Variants in VPS54 observed in about 807,000 individuals in gnomAD.
VPS54 encodes the protein VPS54 subunit of GARP complex.
In VPS54, 45 loss-of-function variants were observed where a neutral mutation model predicts 121.5. That is an observed-to-expected ratio of 0.37 (90% confidence interval 0.29 to 0.47). The LOEUF (loss-of-function observed/expected upper bound fraction) is 0.47, where lower values mean the gene tolerates loss of function less well. Ranked by LOEUF, VPS54 falls within the 20% of genes least tolerant of loss-of-function variation. The probability of loss-of-function intolerance (pLI) is 0.99; values close to 1 mark genes in which losing one functional copy is unlikely to be tolerated. For synonymous variants in VPS54, 371 were observed against 385.8 expected, an observed-to-expected ratio of 0.96 and a Z score of 0.45; for missense variants, 1,090 against 1,131.4, an observed-to-expected ratio of 0.96 and a Z score of 0.52.
chr2:63,983,898 T>C lies in VPS54; in HGVS notation c.102A>G (p.Pro34=), dbSNP rs377608898. 5 of 1,612,754 alleles carry C rather than the reference T, an allele frequency of 3.1e-6. No individual in the cohort carries two copies. The highest frequency in any genetic ancestry group is 1.3e-5 in the African/African-American group (1 of 74,808). ...VDPSKHIRPV[P]SLPDVCPKEP... ...CCTTGGGACACACATCTGGCAGTGA[T>C]GGCACAGGTCGAATGTGTTTTGACG... Residue 34 remains proline, a synonymous_variant, in exon 2 of 23, where the codon CCA becomes CCG. Coordinates refer to ENST00000272322, the MANE Select transcript of VPS54 (RefSeq NM_016516.3).
chr2:63,988,978 C>T (rs1300259174), intron 1 of VPS54, among the ~76,000 whole-genome samples: 1 of 152,070 alleles, frequency 6.6e-6, no homozygotes, highest in African/African-American at 2.4e-5. Context: ...ATTAACAGCC[C>T]TGGGAAAAGA....
chr2:63,904,785 T>G (rs528918063), intron 20 of VPS54, among the ~76,000 whole-genome samples: 7 of 152,200 alleles, frequency 4.6e-5, no homozygotes, highest in African/African-American at 1.7e-4. Flanking sequence ...AGCCAAGATA[T>G]TCTTTGGCCA....
At chr2:63,924,302 G>A (rs1380324742) in intron 12 of VPS54, among the ~76,000 whole-genome samples, 3 of 152,198 alleles carry the variant, frequency 2.0e-5, no homozygotes, top group Non-Finnish European at 4.4e-5. Flanking sequence ...GCTAGACATA[G>A]TCATGTAATT....
At chr2:63,897,291 G>A (rs1672484270) in intron 22 of VPS54, among the ~76,000 whole-genome samples, 1 of 147,764 alleles carries the variant, frequency 6.8e-6, no homozygotes, top group Admixed American at 6.8e-5. Flanking sequence ...CGTCAGGTAA[G>A]CAATTGTCCA....
intron 1 of VPS54, among the ~76,000 whole-genome samples, chr2:63,988,326 T>C (rs1376792433): frequency 2.0e-5 from 3 of 152,250 alleles, no homozygotes; most frequent in Admixed American, 2.0e-4. Flanking sequence ...CATGTTGAAC[T>C]ATCTACATTC....
intron 20 of VPS54, among the ~76,000 whole-genome samples, chr2:63,907,689 T>C (rs565162289): frequency 3.3e-5 from 5 of 152,244 alleles, no homozygotes; most frequent in African/African-American, 9.6e-5. Flanking sequence ...AGAAACCACA[T>C]ACTGATACAG....
rs898993099 is a variant in VPS54 at position 63,914,228 on chromosome 2, G to C, written c.2288C>G (p.Pro763Arg). The C allele has an allele frequency of 6.2e-7, 1 of 1,613,532 alleles. No homozygotes were observed. The highest frequency in any genetic ancestry group is 1.7e-5 in the Admixed American group (1 of 59,946). The part of the protein sequence containing the change: ...LEYCQCVDNI[P>R]SVTTDMLTRL... ...AGTAAGCATGTCAGTAGTAACAGATGGGATGTTATCCACACACTGGCAATA... is the reference window on the plus strand; with the variant it reads ...AGTAAGCATGTCAGTAGTAACAGATCGGATGTTATCCACACACTGGCAATA... The change falls in exon 17 of 23, where the codon CCA (proline) becomes CGA (arginine). Residue 763 changes from proline to arginine, a missense_variant. Pro to Arg is a moderately radical substitution (Grantham distance 103). Around this residue, in one of 2 missense-constraint regions of VPS54, gnomAD observed 289 missense variants for 374.4 expected, o/e 0.77. Transcript: ENST00000272322.
intron 12 of VPS54, among the ~76,000 whole-genome samples, chr2:63,924,094 A>G (rs1016749954): frequency 6.6e-6 from 1 of 152,234 alleles, no homozygotes; most frequent in African/African-American, 2.4e-5. Context: ...AGAAGGTTCA[A>G]TGTATAAAGT....
At chr2:63,910,787 A>G (rs1311585448) in intron 20 of VPS54, among the ~76,000 whole-genome samples, 1 of 152,238 alleles carries the variant, frequency 6.6e-6, no homozygotes, top group African/African-American at 2.4e-5. Context: ...TCACTGTGAC[A>G]ATTCTTATTC....
intron 7 of VPS54, among the ~76,000 whole-genome samples, chr2:63,950,327 G>A (rs1269154009): frequency 6.6e-6 from 1 of 152,068 alleles, no homozygotes; most frequent in African/African-American, 2.4e-5. Flanking sequence ...CCTTTCCATA[G>A]AGTAGTGTGT....
intron 1 of VPS54, among the ~76,000 whole-genome samples, chr2:64,008,015 A>G (rs1287755293): frequency 2.0e-5 from 3 of 147,832 alleles, no homozygotes; most frequent in Non-Finnish European, 3.0e-5. Flanking sequence ...GGTAAAAGGA[A>G]AAAAAAAAAA....
chr2:63,910,294 T>TA (rs1673093001), intron 20 of VPS54, among the ~76,000 whole-genome samples: 2 of 152,258 alleles, frequency 1.3e-5, no homozygotes, highest in Non-Finnish European at 2.9e-5. Context: ...ATGGAGAAGA[T>TA]ACTAGAGAGA....
intron 8 of VPS54, 118 bp downstream of exon 8, chr2:63,948,919 G>A (rs1295494088): frequency 2.4e-6 from 3 of 1,258,668 alleles, no homozygotes; most frequent in African/African-American, 1.5e-5. Flanking sequence ...GGACTTCATA[G>A]GTCTGATAGC....
At position 63,926,254 on chromosome 2, in the gene VPS54, T is replaced by A. The variant is rs189633778; in HGVS notation, c.1740-4919A>T. On this transcript the variant is annotated intron_variant, in intron 12 of 22. Transcript: ENST00000272322. The stretch of plus-strand genomic sequence containing the variant: ...CTGACCATCTCCTACCTCTGAAATG[T>A]TACATGAGAGAAATAAAATTTTACA... Among the ~76,000 whole-genome samples the A allele has an allele frequency of 1.8e-4, 28 of 152,346 alleles. No homozygotes were observed. In the East Asian group the frequency reaches 3.7e-3, roughly 20 times the overall value.
intron 12 of VPS54, among the ~76,000 whole-genome samples, chr2:63,928,858 G>A (rs939624151): frequency 3.3e-5 from 5 of 150,480 alleles, no homozygotes; most frequent in Non-Finnish European, 7.4e-5. Flanking sequence ...AAAAAAGCAG[G>A]GGTTGCAATC....
intron 11 of VPS54, among the ~76,000 whole-genome samples, chr2:63,935,472 T>C (rs376047150): frequency 1.3e-5 from 2 of 152,160 alleles, no homozygotes; most frequent in East Asian, 1.9e-4. Context: ...TGGATATACT[T>C]AGTTCCCCCA....
intron 22 of VPS54, among the ~76,000 whole-genome samples, chr2:63,896,326 G>C (rs1220606186): frequency 6.6e-6 from 1 of 152,054 alleles, no homozygotes; most frequent in Non-Finnish European, 1.5e-5. Flanking sequence ...TACTTTTTTG[G>C]TTGTTTGTCA....
At chr2:64,001,983 C>G (rs1183783994) in intron 1 of VPS54, among the ~76,000 whole-genome samples, 3 of 152,206 alleles carry the variant, frequency 2.0e-5, no homozygotes, top group African/African-American at 7.2e-5. Context: ...CGGCACACCT[C>G]AGCCCACAGT....
intron 20 of VPS54, among the ~76,000 whole-genome samples, chr2:63,909,578 C>T (rs534425642): frequency 1.3e-5 from 2 of 151,412 alleles, no homozygotes; most frequent in African/African-American, 4.9e-5. Flanking sequence ...CACTACCATG[C>T]CCGGCTAATT....
Sources: allele counts gnomAD v4.1 joint callset (sites outside exome capture counted in the v4.1 genomes callset), GRCh38; gene constraint gnomAD v4.1.1; regional missense constraint gnomAD v4.1.1; transcripts MANE v1.5; gene names NCBI Gene and HGNC (gene_info 2026-07-23, HGNC 2026-07-21).